RGS20: variants seen among roughly 807,000 people sequenced by gnomAD.
RGS20 encodes regulator of G protein signaling 20.
In RGS20, 30 loss-of-function variants were observed where a neutral mutation model predicts 33.6. The ratio of observed to expected loss-of-function variants is 0.89; its 90% CI spans 0.67 to 1.21. The LOEUF (loss-of-function observed/expected upper bound fraction) is 1.21. RGS20 is among the 50% of genes most tolerant of loss of function. The probability of loss-of-function intolerance (pLI) is 0.00; values close to 1 mark genes in which losing one functional copy is unlikely to be tolerated. For synonymous variants in RGS20, 208 were observed against 197.9 expected (o/e 1.05, Z -0.43); for missense variants, 472 against 502.4 (o/e 0.94, Z 0.58).
chr8:53,929,266 T>G (rs1331138162), intron 2 of RGS20, among the ~76,000 whole-genome samples: 1 of 152,224 alleles, frequency 6.6e-6, no homozygotes, highest in African/African-American at 2.4e-5. Context: ...ATATGAAAAC[T>G]TATCAAATTA....
intron 2 of RGS20, among the ~76,000 whole-genome samples, chr8:53,930,043 CCTAG>C (rs1813910824): frequency 6.6e-6 from 1 of 152,096 alleles, no homozygotes; most frequent in Admixed American, 6.6e-5. Flanking sequence ...GACAAAGGTG[CCTAG>C]TACTATTGCT....
rs370898064 is a variant in RGS20 at position 53,888,487 on chromosome 8, G to A, written c.510+8885G>A. On this transcript the variant is annotated intron_variant, in intron 2 of 5. Coordinates refer to ENST00000297313, the MANE Select transcript of RGS20 (RefSeq NM_170587.4). Reference sequence around the variant, plus strand: ...CACCTCAGCACTGTGGAAATTTGGGGTTGAACAACTCCTTATTGAGGGGGG... The same window carrying A: ...CACCTCAGCACTGTGGAAATTTGGGATTGAACAACTCCTTATTGAGGGGGG... Among the ~76,000 whole-genome samples, 14 of 152,098 alleles carry A rather than the reference G, an allele frequency of 9.2e-5. No homozygotes were observed. The East Asian group carries it at 1.2e-3, about 13-fold the overall frequency.
chr8:53,928,043 G>A (rs571933297), intron 2 of RGS20, among the ~76,000 whole-genome samples: 1 of 152,164 alleles, frequency 6.6e-6, no homozygotes, highest in Admixed American at 6.5e-5. Flanking sequence ...ACTATTCAAA[G>A]GAGGAAATTG....
intron 1 of RGS20, among the ~76,000 whole-genome samples, chr8:53,854,208 G>A (rs141339209): frequency 1.8e-3 from 274 of 151,918 alleles, no homozygotes; most frequent in African/African-American, 6.1e-3. Context: ...ATCATGATCC[G>A]TTCAAGAAAA....
chr8:53,951,029 G>C (rs1814696731), intron 4 of RGS20, among the ~76,000 whole-genome samples: 1 of 152,170 alleles, frequency 6.6e-6, no homozygotes, highest in African/African-American at 2.4e-5. Context: ...TAGCTTACTA[G>C]GAAAGTGTAA....
At chr8:53,912,484 A>C (rs1038922934) in intron 2 of RGS20, among the ~76,000 whole-genome samples, 1 of 151,910 alleles carries the variant, frequency 6.6e-6, no homozygotes, top group South Asian at 2.1e-4. Flanking sequence ...AATCACATTT[A>C]ACTTCAATTT....
chr8:53,907,038 G>A (rs559402588), intron 2 of RGS20, among the ~76,000 whole-genome samples: 3 of 152,256 alleles, frequency 2.0e-5, no homozygotes, highest in South Asian at 2.1e-4. Context: ...AATGTCATTA[G>A]TCATTTCTTC....
intron 2 of RGS20, among the ~76,000 whole-genome samples, chr8:53,883,179 T>C (rs932643737): frequency 6.6e-6 from 1 of 151,662 alleles, no homozygotes; most frequent in Non-Finnish European, 1.5e-5. Flanking sequence ...TCTTTGAGAC[T>C]GAGTTTCGCT....
intron 4 of RGS20, among the ~76,000 whole-genome samples, chr8:53,951,377 T>G (rs747234293): frequency 3.3e-5 from 5 of 152,086 alleles, no homozygotes; most frequent in Non-Finnish European, 7.4e-5. Context: ...CAGTCCCAGC[T>G]GCTCTAGAGG....
chr8:53,920,855 C>T (rs1813624413), intron 2 of RGS20, among the ~76,000 whole-genome samples: 1 of 152,156 alleles, frequency 6.6e-6, no homozygotes, highest in Non-Finnish European at 1.5e-5. Context: ...AGTTCCTGGG[C>T]TCAAGCGATT....
At chr8:53,896,705 G>A (rs540674597) in intron 2 of RGS20, among the ~76,000 whole-genome samples, 1 of 152,296 alleles carries the variant, frequency 6.6e-6, no homozygotes, top group South Asian at 2.1e-4. Context: ...CCCAACTTAA[G>A]ATTCCTTTGG....
chr8:53,899,022 T>C (rs1244844431), intron 2 of RGS20, among the ~76,000 whole-genome samples: 4 of 152,244 alleles, frequency 2.6e-5, no homozygotes, highest in Non-Finnish European at 5.9e-5. Context: ...TTAAAATTTC[T>C]GCTGTTAGGA....
At chr8:53,902,552 C>T (rs1220195265) in intron 2 of RGS20, among the ~76,000 whole-genome samples, 1 of 152,182 alleles carries the variant, frequency 6.6e-6, no homozygotes, top group African/African-American at 2.4e-5. Flanking sequence ...TTTCTCATCA[C>T]TTGGCATTTC....
At chr8:53,883,902 A>T (rs1332305648) in intron 2 of RGS20, among the ~76,000 whole-genome samples, 1 of 151,626 alleles carries the variant, frequency 6.6e-6, no homozygotes, top group African/African-American at 2.4e-5. Context: ...GCCGAGATGG[A>T]GCCACTGCAC....
rs748572041 is a variant in RGS20, at chr8:53,946,706, C to T, written c.701C>T (p.Ala234Val). The T allele has an allele frequency of 2.5e-6, 4 of 1,613,178 alleles. No homozygotes were observed. The African/African-American group carries it at 4.0e-5, about 16-fold the overall frequency. The change falls in exon 4 of 6, where the codon GCT (alanine) becomes GTT (valine). Residue 234 changes from alanine (A) to valine (V), a missense_variant. Ala to Val is a moderately conservative substitution (Grantham distance 64). Coordinates refer to ENST00000297313, the MANE Select transcript of RGS20 (RefSeq NM_170587.4). ...CAGGAAGATCAGAGGCCCACAATAG[C>T]TTCCCACGAACTCAGAGCAGATCTT...
At chr8:53,897,032 A>G (rs866519916) in intron 2 of RGS20, among the ~76,000 whole-genome samples, 2 of 152,252 alleles carry the variant, frequency 1.3e-5, no homozygotes, top group Non-Finnish European at 1.5e-5. Flanking sequence ...AGAATTTTCT[A>G]TGGGCAAAAG....
intron 1 of RGS20, among the ~76,000 whole-genome samples, chr8:53,875,470 TAA>T (rs1322686006): frequency 8.2e-6 from 1 of 122,462 alleles, no homozygotes; most frequent in Non-Finnish European, 1.7e-5. Context: ...CCAAAAAAAC[TAA>T]AAAACACCAT....
intron 2 of RGS20, among the ~76,000 whole-genome samples, chr8:53,921,226 T>G (rs1287799340): frequency 6.6e-6 from 1 of 152,200 alleles, no homozygotes; most frequent in African/African-American, 2.4e-5. Flanking sequence ...TGCTAGTATT[T>G]TAAGATTTTT....
intron 2 of RGS20, among the ~76,000 whole-genome samples, chr8:53,909,165 G>A (rs1320652109): frequency 7.3e-6 from 1 of 137,576 alleles, no homozygotes; most frequent in Non-Finnish European, 1.5e-5. Flanking sequence ...GTGGTACTGG[G>A]TCCATTTGAT....
Sources: allele counts gnomAD v4.1 joint callset (sites outside exome capture counted in the v4.1 genomes callset), GRCh38; gene constraint gnomAD v4.1.1; transcripts MANE v1.5; gene names NCBI Gene and HGNC (gene_info 2026-07-23, HGNC 2026-07-21).